The following CDKL4 variants were observed in gnomAD, a reference collection of about 807,000 sequenced individuals.
CDKL4 encodes cyclin dependent kinase like 4, also known as cyclin-dependent kinase-like 4.
CDKL4 carries 44 observed loss-of-function variants against 42.0 expected under a neutral mutation model. The observed-to-expected ratio is 1.05, with a 90% CI of 0.82 to 1.35. The LOEUF (loss-of-function observed/expected upper bound fraction) is 1.35, where lower values mean the gene tolerates loss of function less well. Ranked by LOEUF, CDKL4 falls within the 40% of genes most tolerant of loss-of-function variation. The pLI is 0.00. For synonymous variants in CDKL4, 120 were observed against 121.6 expected, an observed-to-expected ratio of 0.99 and a Z score of 0.09; for missense variants, 393 against 369.9, an observed-to-expected ratio of 1.06 and a Z score of -0.51.
intron 9 of CDKL4, chr2:39,178,580 G>A: frequency 2.6e-6 from 4 of 1,552,358 alleles, no homozygotes; most frequent in Non-Finnish European, 3.5e-6. Context: ...CTGAAAGCAA[G>A]TGAAGGACAG....
chr2:39,204,382 T>TGAC (rs1677040551), intron 5 of CDKL4, 145 bp downstream of exon 5: 1 of 633,994 alleles, frequency 1.6e-6, no homozygotes, highest in African/African-American at 1.9e-5. Context: ...ACGAATGTAC[T>TGAC]GACTAAAAGG....
chr2:39,246,017 C>T (rs1336068588), upstream of CDKL4, among the ~76,000 whole-genome samples: 2 of 152,162 alleles, frequency 1.3e-5, no homozygotes, highest in Non-Finnish European at 2.9e-5. Flanking sequence ...TTGGCTAGAG[C>T]TTACCCATTT....
intron 5 of CDKL4, among the ~76,000 whole-genome samples, chr2:39,193,276 A>C (rs935376211): frequency 1.9e-4 from 28 of 151,292 alleles, no homozygotes; most frequent in Admixed American, 2.6e-4. Context: ...CTGTTAAAAA[A>C]AAAAAAAAAG....
chr2:39,178,527 C>G (rs1454479122), intron 9 of CDKL4: 3 of 1,549,412 alleles, frequency 1.9e-6, no homozygotes, highest in Non-Finnish European at 2.6e-6. Context: ...TGAACCAAAA[C>G]AAACCTATTT....
At chr2:39,195,604 C>T (rs1572964669) in intron 5 of CDKL4, among the ~76,000 whole-genome samples, 1 of 149,612 alleles carries the variant, frequency 6.7e-6, no homozygotes, top group Non-Finnish European at 1.5e-5. Context: ...ATTCGTATAG[C>T]TTCTTTTTTA....
In CDKL4 at chr2:39,224,410, T is replaced by C. The variant is rs143423368; in HGVS notation, c.290+1429A>G. On this transcript the variant is annotated intron_variant, in intron 3 of 9. Coordinates refer to ENST00000451199, the Ensembl canonical transcript of CDKL4. ...ATCCTTACATATCTCAGTTTTGTAG[T>C]TGTCTTCATGCAGAGTCAGAACAAC... 3.4e-3 allele frequency among the ~76,000 whole-genome samples: 511 copies of C among 151,838 alleles called. 8 individuals carry two copies. The highest frequency in any genetic ancestry group is 1.7e-3 in the East Asian group (9 of 5,190).
chr2:39,239,039 A>C lies in CDKL4; in HGVS notation c.-57+4832T>G, dbSNP rs368007618. ...AGTGTTGGGATTACAAGAGTGAGCC[A>C]CTGCGCCTGGCCCAACTGACTTTTG... is the stretch of plus-strand genomic sequence containing the variant. On this transcript the variant is annotated intron_variant, in intron 1 of 9. Coordinates refer to ENST00000451199, the Ensembl canonical transcript of CDKL4. Among the ~76,000 whole-genome samples the C allele has an allele frequency of 7.9e-5, 12 of 152,354 alleles. No homozygotes were observed. In the South Asian group the frequency reaches 1.2e-3, roughly 16 times the overall value.
intron 1 of CDKL4, among the ~76,000 whole-genome samples, chr2:39,232,897 T>C (rs1679152899): frequency 6.6e-6 from 1 of 151,264 alleles, no homozygotes; most frequent in Non-Finnish European, 1.5e-5. Flanking sequence ...TACAAAAAAT[T>C]AGCCAGGCAT....
chr2:39,235,956 T>C (rs1459889276), intron 1 of CDKL4, among the ~76,000 whole-genome samples: 1 of 151,142 alleles, frequency 6.6e-6, no homozygotes, highest in East Asian at 1.9e-4. Flanking sequence ...ATAAAGTCAA[T>C]AAAAATGGAT....
intron 6 of CDKL4, among the ~76,000 whole-genome samples, 181 bp downstream of exon 6, chr2:39,190,124 A>C (rs1676086478): frequency 6.6e-6 from 1 of 152,230 alleles, no homozygotes; most frequent in South Asian, 2.1e-4. Flanking sequence ...ACGGTTCTGC[A>C]TGTTTAGAAA....
intron 1 of CDKL4, 56 bp from the exon 2 acceptor site, chr2:39,229,644 G>A: frequency 1.3e-6 from 1 of 771,974 alleles, no homozygotes; most frequent in South Asian, 2.2e-5. Context: ...TGTTCTCACA[G>A]GTTATATACA....
chr2:39,183,671 T>A (rs923102999), intron 8 of CDKL4, among the ~76,000 whole-genome samples: 2 of 152,120 alleles, frequency 1.3e-5, no homozygotes, highest in Admixed American at 6.6e-5. Context: ...GAACAACCTG[T>A]CAAGAACAAG....
upstream of CDKL4, among the ~76,000 whole-genome samples, chr2:39,244,070 G>A (rs1258264374): frequency 1.3e-5 from 2 of 152,182 alleles, no homozygotes; most frequent in South Asian, 2.1e-4. Flanking sequence ...CCCTGGCGCT[G>A]GCAGCCCCAG....
intron 1 of CDKL4, 64 bp from the exon 2 acceptor site, chr2:39,229,652 A>G: frequency 1.4e-6 from 1 of 700,838 alleles, no homozygotes; most frequent in Non-Finnish European, 2.3e-6. Flanking sequence ...CAGGTTATAT[A>G]CAACCAATTT....
intron 4 of CDKL4, 138 bp downstream of exon 4, chr2:39,213,262 G>A (rs1330986355): frequency 1.8e-6 from 1 of 566,748 alleles, no homozygotes; most frequent in African/African-American, 1.9e-5. Flanking sequence ...TGGGATTACT[G>A]GCTGAACTTC....
intron 7 of CDKL4, among the ~76,000 whole-genome samples, chr2:39,185,622 C>T (rs913639322): frequency 1.1e-4 from 17 of 150,942 alleles, no homozygotes; most frequent in Non-Finnish European, 1.9e-4. Flanking sequence ...ACCACACGCC[C>T]GGCTAATTTT....
At chr2:39,204,855 T>A (rs1482859840) in intron 4 of CDKL4, among the ~76,000 whole-genome samples, 1 of 152,066 alleles carries the variant, frequency 6.6e-6, no homozygotes, top group Admixed American at 6.5e-5. Flanking sequence ...TATAATTGTA[T>A]ATAAAAACTG....
chr2:39,213,889 TTTTTG>T (rs70954795), intron 3 of CDKL4, among the ~76,000 whole-genome samples: 5,002 of 148,554 alleles, frequency 0.034, 120 homozygotes, highest in Middle Eastern at 0.058. Flanking sequence ...CTCTGTACTT[TTTTTG>T]TTTTGTTTTG....
rs144614044 is a variant in CDKL4 at position 39,227,933 on chromosome 2, A to G, written c.168+1432T>C. Reference sequence around the variant, plus strand: ...GGCAAGCAATTTAAATAACAAGACTATGTGAGGAAAGGAAGGTCGACTGAT... The same window carrying G: ...GGCAAGCAATTTAAATAACAAGACTGTGTGAGGAAAGGAAGGTCGACTGAT... On this transcript the variant is annotated intron_variant, in intron 2 of 9. Transcript: ENST00000451199. Among the ~76,000 whole-genome samples the G allele has an allele frequency of 1.7e-3, 266 of 152,284 alleles. 2 individuals are homozygous for G. The highest frequency in any genetic ancestry group is 6.1e-3 in the African/African-American group (253 of 41,568).
Sources: allele counts gnomAD v4.1 joint callset (sites outside exome capture counted in the v4.1 genomes callset), GRCh38; gene constraint gnomAD v4.1.1; transcripts MANE v1.5; gene names NCBI Gene and HGNC (gene_info 2026-07-23, HGNC 2026-07-21).